The following FAM174A variants were observed in gnomAD, a reference collection of about 807,000 sequenced individuals.
FAM174A encodes membrane protein FAM174A.
Under a neutral mutation model 14.3 loss-of-function variants are expected in FAM174A, and 14 were observed. The observed-to-expected ratio is 0.98, with a 90% CI of 0.65 to 1.53. The LOEUF (loss-of-function observed/expected upper bound fraction) is 1.53, where lower values mean the gene tolerates loss of function less well. FAM174A is among the 40% of genes most tolerant of loss of function. The pLI, the probability that FAM174A is intolerant of heterozygous loss-of-function variation, is 0.00. For missense variants in FAM174A, 241 were observed against 249.6 expected (o/e 0.97, Z 0.23); for synonymous variants, 108 against 111.4 (o/e 0.97, Z 0.19).
chr5:100,545,948 A>G (rs1423303598), intron 1 of FAM174A, among the ~76,000 whole-genome samples: 2 of 152,208 alleles, frequency 1.3e-5, no homozygotes, highest in African/African-American at 2.4e-5. Flanking sequence ...AAAACCTTAT[A>G]AAATTATTTG....
At chr5:100,576,540 A>T (rs1746909948) in intron 2 of FAM174A, among the ~76,000 whole-genome samples, 1 of 152,086 alleles carries the variant, frequency 6.6e-6, no homozygotes, top group African/African-American at 2.4e-5. Context: ...TTTTCACATC[A>T]TTGTCCAGGA....
intron 2 of FAM174A, among the ~76,000 whole-genome samples, chr5:100,568,018 C>T (rs1419997259): frequency 6.6e-6 from 1 of 151,884 alleles, no homozygotes; most frequent in Non-Finnish European, 1.5e-5. Flanking sequence ...ATCTAATCTT[C>T]GTTATGAAAG....
intron 2 of FAM174A, among the ~76,000 whole-genome samples, chr5:100,571,642 T>C (rs1746780286): frequency 7.0e-6 from 1 of 143,608 alleles, no homozygotes; most frequent in Non-Finnish European, 1.5e-5. Context: ...TGTACTTCAA[T>C]ATATAAAGTA....
At chr5:100,545,547 T>C (rs1156571658) in intron 1 of FAM174A, among the ~76,000 whole-genome samples, 2 of 152,184 alleles carry the variant, frequency 1.3e-5, no homozygotes, top group African/African-American at 2.4e-5. Flanking sequence ...GTTTTTGTAA[T>C]GTAAAAGGGG....
At chr5:100,555,864 T>G (rs1040526230) in intron 1 of FAM174A, among the ~76,000 whole-genome samples, 3 of 152,180 alleles carry the variant, frequency 2.0e-5, no homozygotes, top group Non-Finnish European at 2.9e-5. Flanking sequence ...ATGAGTAGAT[T>G]GCAAAAATTT....
chr5:100,551,657 G>A (rs1746266307), intron 1 of FAM174A, among the ~76,000 whole-genome samples: 1 of 152,044 alleles, frequency 6.6e-6, no homozygotes, highest in South Asian at 2.1e-4. Flanking sequence ...AGTACAAGTG[G>A]GCTGGCTTAA....
intron 1 of FAM174A, among the ~76,000 whole-genome samples, chr5:100,537,745 T>C (rs900657256): frequency 9.2e-5 from 14 of 152,200 alleles, no homozygotes; most frequent in Non-Finnish European, 4.4e-5. Flanking sequence ...ATTATTTTCC[T>C]CACTATATAA....
At chr5:100,572,070 T>G (rs1026281464) in intron 2 of FAM174A, among the ~76,000 whole-genome samples, 6 of 152,012 alleles carry the variant, frequency 3.9e-5, no homozygotes, top group Admixed American at 1.3e-4. Context: ...TTTTAAGAAC[T>G]GTTGAAAGTT....
chr5:100,574,943 C>G (rs1417496028), intron 2 of FAM174A, among the ~76,000 whole-genome samples: 1 of 152,138 alleles, frequency 6.6e-6, no homozygotes, highest in Non-Finnish European at 1.5e-5. Flanking sequence ...TATGAAATCA[C>G]TAAAAACATT....
rs967388827 is a variant in FAM174A at position 100,535,471 on chromosome 5, C to G, written c.-60C>G. 2 of 1,587,792 alleles carry G rather than the reference C, an allele frequency of 1.3e-6. No homozygotes were observed. Among genetic ancestry groups the G allele is most frequent in the African/African-American group, 1.3e-5 (1 of 74,606 alleles). On this transcript the variant is annotated 5_prime_UTR_variant, in exon 1 of 3. Transcript: ENST00000312637. ...ATTCTCCACCGCGCCTATGGTCCCT[C>G]TTGGAGCCAGCGTGGCGGGCCTGGC... is the stretch of plus-strand genomic sequence containing the variant.
intron 1 of FAM174A, among the ~76,000 whole-genome samples, chr5:100,543,841 GT>G (rs1746113693): frequency 6.6e-6 from 1 of 152,066 alleles, no homozygotes; most frequent in Non-Finnish European, 1.5e-5. Context: ...TTATTCTCTT[GT>G]TTAACTCCTG....
intron 2 of FAM174A, among the ~76,000 whole-genome samples, chr5:100,562,409 T>A (rs533070011): frequency 3.9e-4 from 59 of 152,074 alleles, no homozygotes; most frequent in Middle Eastern, 6.8e-3. Context: ...ATATTTTTTT[T>A]AATTTATTCT....
At chr5:100,556,373 C>T (rs1272199877) in intron 1 of FAM174A, among the ~76,000 whole-genome samples, 1 of 152,138 alleles carries the variant, frequency 6.6e-6, no homozygotes, top group Non-Finnish European at 1.5e-5. Context: ...AGTCAGGTAG[C>T]ATGATGCCTC....
At chr5:100,579,576 C>T (rs1323803503) in intron 2 of FAM174A, among the ~76,000 whole-genome samples, 4 of 152,132 alleles carry the variant, frequency 2.6e-5, no homozygotes, top group East Asian at 3.9e-4. Flanking sequence ...AGATGCCCGC[C>T]GCCACACCCA....
Position 100,535,747 on chromosome 5 carries a change from G to A in FAM174A, c.217G>A (p.Ala73Thr). The change falls in exon 1 of 3, where the codon GCT (alanine) becomes ACT (threonine). Residue 73 changes from alanine to threonine, a missense_variant. Physicochemically the swap from Ala to Thr is moderately conservative, Grantham distance 58. Transcript: ENST00000312637. ...AQQPGRGLAE[A>T]AGPRGSEGGN... is the part of the protein sequence containing the mutation. ...GCAGCCGGGCCGTGGTCTGGCTGAA[G>A]CTGCGGGGCCGCGGGGCTCCGAGGG... is the stretch of plus-strand genomic sequence containing the variant. 1.2e-6 allele frequency: 2 copies of A among 1,604,746 alleles called. No individual in the cohort carries two copies. Among genetic ancestry groups the A allele is most frequent in the Non-Finnish European group, 1.7e-6 (2 of 1,177,746 alleles).
intron 2 of FAM174A, among the ~76,000 whole-genome samples, chr5:100,584,211 A>C (rs972958611): frequency 6.6e-6 from 1 of 152,198 alleles, no homozygotes; most frequent in Admixed American, 6.5e-5. Flanking sequence ...GGTGGTTAGC[A>C]GCTTTGTATG....
chr5:100,580,763 A>G (rs550037905), intron 2 of FAM174A, among the ~76,000 whole-genome samples: 23 of 152,288 alleles, frequency 1.5e-4, no homozygotes, highest in African/African-American at 5.1e-4. Context: ...GCAGTCTTCT[A>G]TCTTTGCTGG....
At chr5:100,578,925 C>T (rs1336005485) in intron 2 of FAM174A, among the ~76,000 whole-genome samples, 2 of 151,722 alleles carry the variant, frequency 1.3e-5, no homozygotes, top group Non-Finnish European at 3.0e-5. Flanking sequence ...GCATGCATAG[C>T]CCAATGTGCT....
Position 100,546,730 on chromosome 5 carries a change from A to G in FAM174A, c.434+10766A>G, listed in dbSNP as rs77999922. ...GTTATATGCACTATACCAGATACAC[A>G]TTGATACCCATTGCAAAACTATCCC... On this transcript the variant is annotated intron_variant, in intron 1 of 2. Transcript: ENST00000312637. 6.1e-3 allele frequency among the ~76,000 whole-genome samples: 935 copies of G among 152,306 alleles called. 7 individuals are homozygous for G. The highest frequency in any genetic ancestry group is 0.021 in the African/African-American group (883 of 41,580).
Sources: gnomAD v4.1 joint callset for allele counts (sites outside exome capture counted in the v4.1 genomes callset) on GRCh38, gnomAD v4.1.1 for gene constraint, MANE v1.5 for transcripts, NCBI Gene and HGNC (gene_info 2026-07-23, HGNC 2026-07-21) for gene names.